The following XRCC4 variants were observed in gnomAD, a reference collection of about 807,000 sequenced individuals.
The protein encoded by XRCC4 is DNA repair protein XRCC4.
XRCC4 carries 28 observed loss-of-function variants against 39.1 expected under a neutral mutation model. The observed-to-expected ratio is 0.72, with a 90% confidence interval of 0.53 to 0.98. The LOEUF is 0.98. XRCC4 is among the 50% of genes least tolerant of loss of function. XRCC4 has a pLI of 0.00. For missense variants in XRCC4, 350 were observed against 376.4 expected, an observed-to-expected ratio of 0.93 and a Z score of 0.58; for synonymous variants, 123 against 126.4, an observed-to-expected ratio of 0.97 and a Z score of 0.18.
chr5:83,145,175 A>G (rs1489908899), intron 3 of XRCC4, among the ~76,000 whole-genome samples: 2 of 152,218 alleles, frequency 1.3e-5, no homozygotes, highest in Admixed American at 1.3e-4. Context: ...GCTTACAGGC[A>G]TGAACCACCA....
At chr5:83,367,790 A>G in the XRCC4 span, among the ~76,000 whole-genome samples, 1 of 148,166 alleles carries the variant, frequency 6.7e-6, no homozygotes, top group Non-Finnish European at 1.5e-5. Flanking sequence ...ATGGGGTTTC[A>G]CTATGTTGGC....
chr5:83,367,940 C>CTCTGTATACCA, the XRCC4 span, among the ~76,000 whole-genome samples: 1 of 151,878 alleles, frequency 6.6e-6, no homozygotes, highest in African/African-American at 2.4e-5. Context: ...ACATAGGCAG[C>CTCTGTATACCA]TCTGTATACC....
intron 3 of XRCC4, among the ~76,000 whole-genome samples, chr5:83,164,157 A>C (rs1481662074): frequency 6.6e-6 from 1 of 152,172 alleles, no homozygotes; most frequent in Non-Finnish European, 1.5e-5. Context: ...GACCTCTGCT[A>C]TCTATATAAG....
At chr5:83,153,938 T>A (rs1258123991) in intron 3 of XRCC4, among the ~76,000 whole-genome samples, 2 of 152,226 alleles carry the variant, frequency 1.3e-5, no homozygotes, top group Non-Finnish European at 2.9e-5. Context: ...TTTTTACAAC[T>A]TTTTTATTGG....
At chr5:83,120,361 G>T (rs988938913) in intron 3 of XRCC4, among the ~76,000 whole-genome samples, 32 of 152,148 alleles carry the variant, frequency 2.1e-4, no homozygotes, top group Non-Finnish European at 3.2e-4. Context: ...TACTTATGGT[G>T]AGTATACAGT....
chr5:83,083,023 T>G (rs918298416), intron 1 of XRCC4, among the ~76,000 whole-genome samples: 3 of 151,990 alleles, frequency 2.0e-5, no homozygotes, highest in Non-Finnish European at 4.4e-5. Context: ...CAGCTATTCC[T>G]TCATAGCTTT....
At chr5:83,131,306 A>T (rs189181945) in intron 3 of XRCC4, among the ~76,000 whole-genome samples, 1 of 151,806 alleles carries the variant, frequency 6.6e-6, no homozygotes, top group East Asian at 2.0e-4. Flanking sequence ...CCTGAGTTCT[A>T]GTTTGATTGT....
intron 7 of XRCC4, among the ~76,000 whole-genome samples, chr5:83,283,523 G>T (rs1175969882): frequency 2.6e-5 from 4 of 152,050 alleles, no homozygotes; most frequent in African/African-American, 9.7e-5. Context: ...CATTAAAACA[G>T]GTCCAAAAGC....
At chr5:83,227,426 A>G (rs1481544209) in intron 6 of XRCC4, among the ~76,000 whole-genome samples, 1 of 152,154 alleles carries the variant, frequency 6.6e-6, no homozygotes, top group African/African-American at 2.4e-5. Flanking sequence ...ATATACAAAA[A>G]TGCCCAAACT....
chr5:83,117,665 GTGT>G (rs745307066), intron 3 of XRCC4, among the ~76,000 whole-genome samples: 1 of 111,844 alleles, frequency 8.9e-6, no homozygotes, highest in Non-Finnish European at 1.9e-5. Context: ...GTGTGTGTGT[GTGT>G]GTGTGTATGT....
At chr5:83,364,153 C>T in the XRCC4 span, among the ~76,000 whole-genome samples, 1 of 152,072 alleles carries the variant, frequency 6.6e-6, no homozygotes, top group African/African-American at 2.4e-5. Context: ...GGATTTTGAT[C>T]CCAGGACAAC....
At chr5:83,326,219 G>A (rs1269085167) in intron 7 of XRCC4, among the ~76,000 whole-genome samples, 3 of 151,992 alleles carry the variant, frequency 2.0e-5, no homozygotes, top group South Asian at 2.1e-4. Context: ...TAACTCCAAC[G>A]ATAGTTTCTT....
intron 3 of XRCC4, among the ~76,000 whole-genome samples, chr5:83,156,758 AT>A (rs945263100): frequency 1.3e-5 from 2 of 152,228 alleles, no homozygotes; most frequent in Non-Finnish European, 2.9e-5. Context: ...ATATCCATAC[AT>A]TTTTGGAAGA....
chr5:83,214,210 A>G (rs182825519), intron 6 of XRCC4, among the ~76,000 whole-genome samples: 203 of 152,326 alleles, frequency 1.3e-3, no homozygotes, highest in South Asian at 2.7e-3. Flanking sequence ...AGGCAGGGCA[A>G]TTAGGCAAGA....
At chr5:83,092,270 A>G (rs978666689) in intron 1 of XRCC4, among the ~76,000 whole-genome samples, 3 of 152,224 alleles carry the variant, frequency 2.0e-5, no homozygotes, top group African/African-American at 7.2e-5. Flanking sequence ...CCTTTACCAA[A>G]TATATGGACT....
At chr5:83,135,160 C>T (rs1277884166) in intron 3 of XRCC4, among the ~76,000 whole-genome samples, 2 of 152,256 alleles carry the variant, frequency 1.3e-5, no homozygotes, top group African/African-American at 4.8e-5. Flanking sequence ...ATTGCCTGAC[C>T]CCTTGAGCTT....
chr5:83,093,606 A>G lies in XRCC4; in HGVS notation c.-10-11304A>G, dbSNP rs112458687. Reference sequence around the variant, plus strand: ...TTGAAGAAGACTGAAATCATATCACATATCTTTTCTGACCACAATTGTATG... The same window carrying G: ...TTGAAGAAGACTGAAATCATATCACGTATCTTTTCTGACCACAATTGTATG... On this transcript the variant is annotated intron_variant, in intron 1 of 7. Coordinates refer to ENST00000396027, the MANE Select transcript of XRCC4 (RefSeq NM_003401.5). Among the ~76,000 whole-genome samples, 857 of 152,324 alleles carry G rather than the reference A, an allele frequency of 5.6e-3. 6 individuals carry two copies. Among genetic ancestry groups the G allele is most frequent in the Admixed American group, 0.011 (161 of 15,304 alleles).
chr5:83,114,430 A>G (rs1253741364), intron 3 of XRCC4, among the ~76,000 whole-genome samples: 2 of 152,236 alleles, frequency 1.3e-5, no homozygotes, highest in East Asian at 3.9e-4. Flanking sequence ...TTCTTCTGCT[A>G]GATACCCTAA....
intron 1 of XRCC4, among the ~76,000 whole-genome samples, chr5:83,100,459 G>A (rs1011182690): frequency 6.6e-6 from 1 of 151,958 alleles, no homozygotes; most frequent in African/African-American, 2.4e-5. Flanking sequence ...AATTTTCTCT[G>A]TAATTAGAAA....
Sources: gnomAD v4.1 joint callset for allele counts (sites outside exome capture counted in the v4.1 genomes callset) on GRCh38, gnomAD v4.1.1 for gene constraint, MANE v1.5 for transcripts, NCBI Gene and HGNC (gene_info 2026-07-23, HGNC 2026-07-21) for gene names.